TNKS: variants seen among roughly 807,000 people sequenced by gnomAD.
TNKS encodes poly [ADP-ribose] polymerase tankyrase-1.
A neutral mutation model predicts 135.8 loss-of-function variants in TNKS; 72 were observed. The observed-to-expected ratio is 0.53, with a 90% confidence interval of 0.44 to 0.64. The LOEUF is 0.64. TNKS is among the 30% of genes least tolerant of loss of function. The pLI is 0.00. For missense variants in TNKS, 1,769 were observed against 1,674.0 expected (o/e 1.06, Z -0.99); for synonymous variants, 849 against 649.3 (o/e 1.31, Z -4.68).
intron 3 of TNKS, among the ~76,000 whole-genome samples, chr8:9,679,411 CAA>C (rs1341640218): frequency 6.6e-6 from 1 of 152,062 alleles, no homozygotes. Context: ...CCTATCGAGT[CAA>C]AGCCTTCGTG....
intron 3 of TNKS, among the ~76,000 whole-genome samples, chr8:9,678,821 A>T (rs1585318107): frequency 1.3e-5 from 2 of 152,152 alleles, no homozygotes; most frequent in South Asian, 4.1e-4. Context: ...TAACATTTTC[A>T]TTTAGTCTAA....
In TNKS at chr8:9,593,877, TTTA is replaced by T. The variant is rs199768208; in HGVS notation, c.898+13515_898+13517del. ...TTATCCCTTGATATTTATTTATTTA[TTTA>T]TTATTATTATTATTATTATTTTTTG... On this transcript the variant is annotated intron_variant, in intron 2 of 26. Transcript: ENST00000310430. Among the ~76,000 whole-genome samples the T allele has an allele frequency of 2.5e-4, 33 of 130,664 alleles. 1 individual carries two copies. In the East Asian group the frequency reaches 3.2e-3, roughly 13 times the overall value. 85.7% of individuals were successfully genotyped at this position (130,664 alleles called of 152,430 possible).
rs1311558062 is a variant in TNKS at position 9,580,197 on chromosome 8, A to T, written c.712A>T (p.Met238Leu). Residue 238 changes from methionine to leucine, a missense_variant, in exon 2 of 27, where the codon ATG becomes TTG. This residue lies in a region of TNKS where 523 missense variants were observed against 541.0 expected (regional missense o/e 0.97). Coordinates refer to ENST00000310430, the MANE Select transcript of TNKS (RefSeq NM_003747.3). Reference sequence around the variant, plus strand: ...GGATGTTGTAGAACACTTACTACAGATGGGTGCTAATGTCCACGCTCGTGA... The same window carrying T: ...GGATGTTGTAGAACACTTACTACAGTTGGGTGCTAATGTCCACGCTCGTGA... ...RKDVVEHLLQ[M>L]GANVHARDDG... 1.2e-6 allele frequency: 2 copies of T among 1,613,988 alleles called. No individual in the cohort carries two copies. Among genetic ancestry groups the T allele is most frequent in the African/African-American group, 2.7e-5 (2 of 74,898 alleles).
rs765476646 is a variant in TNKS, at chr8:9,720,564, A to G, written c.1921+19A>G. On this transcript the variant is annotated intron_variant, in intron 12 of 26. Transcript: ENST00000310430. Reference sequence around the variant, plus strand: ...CTGAGTGGTGAGTTAAAATAGACCAACAGGGCATTTTATGTTTTCTCTTCC... The same window carrying G: ...CTGAGTGGTGAGTTAAAATAGACCAGCAGGGCATTTTATGTTTTCTCTTCC... 6.3e-7 allele frequency: 1 copy of G among 1,590,942 alleles called. No homozygotes were observed. The highest frequency in any genetic ancestry group is 8.6e-7 in the Non-Finnish European group (1 of 1,168,246).
At chr8:9,621,519 T>C (rs566599036) in intron 3 of TNKS, among the ~76,000 whole-genome samples, 1 of 152,310 alleles carries the variant, frequency 6.6e-6, no homozygotes, top group East Asian at 1.9e-4. Context: ...TTGGTCAGGC[T>C]AGTCTCGAAC....
rs1332494813 is a variant in TNKS, at chr8:9,704,725, G to A, written c.1170G>A (p.Gln390=). ...NRVRIVQLLL[Q]HGADVHAKDK... ...TTCGAATAGTTCAGCTTCTTCTTCA[G>A]CATGGTGCTGATGTTCATGCAAAAG... The change falls in exon 6 of 27, where the codon CAG becomes CAA. Residue 390 remains glutamine, a synonymous_variant. Coordinates refer to ENST00000310430, the MANE Select transcript of TNKS (RefSeq NM_003747.3). 6.2e-7 allele frequency: 1 copy of A among 1,613,270 alleles called. No individual in the cohort carries two copies. Among genetic ancestry groups the A allele is most frequent in the Non-Finnish European group, 8.5e-7 (1 of 1,179,504 alleles).
At chr8:9,662,148 G>A (rs775913935) in intron 3 of TNKS, among the ~76,000 whole-genome samples, 17 of 152,310 alleles carry the variant, frequency 1.1e-4, no homozygotes, top group South Asian at 6.2e-4. Context: ...CTGTTGGTGG[G>A]ACTGTAAACT....
chr8:9,642,559 AC>A (rs1177096981), intron 3 of TNKS, among the ~76,000 whole-genome samples: 1 of 146,532 alleles, frequency 6.8e-6, no homozygotes, highest in Non-Finnish European at 1.5e-5. Flanking sequence ...CCATTTAGTT[AC>A]ATAATTTGTT....
chr8:9,776,578 T>C lies in TNKS; in HGVS notation c.3898-72T>C, dbSNP rs1808235788. 16 of 1,427,678 alleles carry C rather than the reference T, an allele frequency of 1.1e-5. No individual in the cohort carries two copies. In the South Asian group the frequency reaches 1.9e-4, roughly 17 times the overall value. 88.4% of individuals were successfully genotyped at this position (1,427,678 alleles called of 1,614,324 possible). ...GGTCACGATTAACAGCCTTTGAGGC[T>C]TCCACATTCGGCAAGGCTTTAATAT... On this transcript the variant is annotated intron_variant, in intron 26 of 26. Transcript: ENST00000310430.
intron 17 of TNKS, among the ~76,000 whole-genome samples, chr8:9,736,359 A>G (rs1373308060): frequency 2.7e-5 from 4 of 150,728 alleles, no homozygotes; most frequent in Non-Finnish European, 4.4e-5. Flanking sequence ...CTAAAAAAAA[A>G]AAAAAAAAAA....
intron 3 of TNKS, among the ~76,000 whole-genome samples, chr8:9,639,986 T>G (rs1800663004): frequency 6.6e-6 from 1 of 152,204 alleles, no homozygotes; most frequent in African/African-American, 2.4e-5. Flanking sequence ...TAGAAAAGCA[T>G]CGTGGGCTGC....
At chr8:9,617,307 C>T (rs886129830) in intron 3 of TNKS, among the ~76,000 whole-genome samples, 1 of 152,168 alleles carries the variant, frequency 6.6e-6, no homozygotes, top group African/African-American at 2.4e-5. Flanking sequence ...ACTTTAAAGC[C>T]ATCTAACACT....
chr8:9,579,632 C>T (rs1310847167), intron 1 of TNKS, among the ~76,000 whole-genome samples: 4 of 152,202 alleles, frequency 2.6e-5, no homozygotes, highest in Middle Eastern at 3.4e-3. Context: ...TCACGCCTGG[C>T]TAATTTTTGT....
chr8:9,576,472 T>A (rs7841069), intron 1 of TNKS, among the ~76,000 whole-genome samples: 40,089 of 147,410 alleles, frequency 0.27, 5,747 homozygotes, highest in East Asian at 0.38. Flanking sequence ...CCCTCTTTTT[T>A]TTTTTTTTTT....
chr8:9,617,976 CTTTTTTGG>C (rs1799707193), intron 3 of TNKS, among the ~76,000 whole-genome samples: 1 of 129,440 alleles, frequency 7.7e-6, no homozygotes, highest in Non-Finnish European at 1.6e-5. Flanking sequence ...GTGACAATCT[CTTTTTTGG>C]TTTTTTTTTT....
intron 17 of TNKS, among the ~76,000 whole-genome samples, chr8:9,743,064 A>G (rs960882436): frequency 1.3e-5 from 2 of 152,186 alleles, no homozygotes; most frequent in African/African-American, 4.8e-5. Context: ...TTAGGATAGA[A>G]AAACACTGAT....
At chr8:9,568,818 C>T (rs1797649142) in intron 1 of TNKS, among the ~76,000 whole-genome samples, 1 of 152,104 alleles carries the variant, frequency 6.6e-6, no homozygotes, top group African/African-American at 2.4e-5. Context: ...GATTCTGTAC[C>T]CACAGTTGAT....
intron 14 of TNKS, among the ~76,000 whole-genome samples, chr8:9,731,975 G>A (rs1197447935): frequency 6.6e-6 from 1 of 152,108 alleles, no homozygotes; most frequent in East Asian, 1.9e-4. Context: ...TTTTAGGAGA[G>A]ACGGGGTTTC....
intron 26 of TNKS, among the ~76,000 whole-genome samples, chr8:9,773,498 A>C (rs1041558313): frequency 6.6e-6 from 1 of 152,146 alleles, no homozygotes; most frequent in Non-Finnish European, 1.5e-5. Context: ...GAGTGGTTTC[A>C]GTTCTCTTTA....
Sources: allele counts gnomAD v4.1 joint callset (sites outside exome capture counted in the v4.1 genomes callset), GRCh38; gene constraint gnomAD v4.1.1; regional missense constraint gnomAD v4.1.1; transcripts MANE v1.5; gene names NCBI Gene and HGNC (gene_info 2026-07-23, HGNC 2026-07-21).